The following NIPAL2 variants were observed in gnomAD, a reference collection of about 807,000 sequenced individuals.
NIPAL2 encodes NIPA like domain containing 2, also known as NIPA-like protein 2.
NIPAL2 carries 43 observed loss-of-function variants against 48.9 expected under a neutral mutation model. The observed-to-expected ratio is 0.88, with a 90% CI of 0.69 to 1.13. The LOEUF (loss-of-function observed/expected upper bound fraction) is 1.13. NIPAL2 is among the 50% of genes most tolerant of loss of function. The probability of loss-of-function intolerance (pLI) is 0.00; values close to 1 mark genes in which losing one functional copy is unlikely to be tolerated. For synonymous variants in NIPAL2, 167 were observed against 174.6 expected (o/e 0.96, Z 0.34); for missense variants, 446 against 461.4 (o/e 0.97, Z 0.31).
intron 1 of NIPAL2, among the ~76,000 whole-genome samples, chr8:98,273,820 C>T (rs1815290399): frequency 6.6e-6 from 1 of 152,000 alleles, no homozygotes; most frequent in African/African-American, 2.4e-5. Context: ...TATGAAAGTA[C>T]CACTATACAT....
chr8:98,216,345 G>A (rs758927491), intron 5 of NIPAL2, among the ~76,000 whole-genome samples: 5 of 152,204 alleles, frequency 3.3e-5, no homozygotes, highest in Admixed American at 2.0e-4. Context: ...GATAACAGTG[G>A]CCCATGTATA....
intron 5 of NIPAL2, chr8:98,217,146 T>C: frequency 1.0e-6 from 1 of 985,490 alleles, no homozygotes; most frequent in Non-Finnish European, 1.2e-6. Flanking sequence ...GTGCACTTTA[T>C]TCTTCTCTGG....
chr8:98,238,903 G>A lies in NIPAL2; in HGVS notation c.377-2689C>T, dbSNP rs183010021. On this transcript the variant is annotated intron_variant, in intron 3 of 10. Transcript: ENST00000430223. The stretch of plus-strand genomic sequence containing the variant: ...TCAGATTTGGGCCAAAATAATCCAG[G>A]GAAACTAATTTCCCATGGTAGAGCA... Among the ~76,000 whole-genome samples the A allele has an allele frequency of 1.7e-4, 26 of 152,060 alleles. No homozygotes were observed. In the East Asian group the frequency reaches 4.8e-3, roughly 28 times the overall value.
Position 98,265,881 on chromosome 8 carries a change from C to T in NIPAL2, c.136-11794G>A, listed in dbSNP as rs562331513. 5.9e-3 allele frequency among the ~76,000 whole-genome samples: 887 copies of T among 151,552 alleles called. 11 individuals are homozygous for T. Among genetic ancestry groups the T allele is most frequent in the African/African-American group, 0.02 (824 of 41,106 alleles). On this transcript the variant is annotated intron_variant, in intron 1 of 10. Coordinates refer to ENST00000430223, the MANE Select transcript of NIPAL2 (RefSeq NM_001321635.2). ...ACGATAGCAAAGACTTGGAATCAAC[C>T]CAAATGTCCAACAATGATAGACTGG...
At chr8:98,292,735 T>C (rs1816557509) in intron 1 of NIPAL2, among the ~76,000 whole-genome samples, 1 of 151,918 alleles carries the variant, frequency 6.6e-6, no homozygotes. Flanking sequence ...TATTTTTTTT[T>C]TTTTTTTAAT....
chr8:98,284,071 C>G (rs1347827140), intron 1 of NIPAL2, among the ~76,000 whole-genome samples: 1 of 152,154 alleles, frequency 6.6e-6, no homozygotes, highest in African/African-American at 2.4e-5. Context: ...TCCCCAAGCC[C>G]ACTATTCCTG....
intron 8 of NIPAL2, among the ~76,000 whole-genome samples, chr8:98,197,715 C>T (rs1430566526): frequency 6.6e-6 from 1 of 152,148 alleles, no homozygotes; most frequent in Non-Finnish European, 1.5e-5. Flanking sequence ...TTTAAGAAAC[C>T]ACTTTGTTTG....
intron 1 of NIPAL2, among the ~76,000 whole-genome samples, chr8:98,261,728 C>A (rs1290936089): frequency 6.7e-6 from 1 of 149,202 alleles, no homozygotes; most frequent in African/African-American, 2.5e-5. Flanking sequence ...AGGAGAACTT[C>A]CCCAACCTAG....
At chr8:98,279,920 G>A (rs1036863659) in intron 1 of NIPAL2, among the ~76,000 whole-genome samples, 4 of 152,172 alleles carry the variant, frequency 2.6e-5, no homozygotes, top group Non-Finnish European at 5.9e-5. Flanking sequence ...TGGCAAATAC[G>A]TGGTGGCAGC....
chr8:98,230,643 G>A (rs74317140), intron 4 of NIPAL2, among the ~76,000 whole-genome samples: 316 of 152,286 alleles, frequency 2.1e-3, no homozygotes, highest in African/African-American at 7.0e-3. Context: ...CCAGCTGTGA[G>A]CATGCCTTTG....
chr8:98,273,587 T>G (rs1815269312), intron 1 of NIPAL2, among the ~76,000 whole-genome samples: 1 of 152,138 alleles, frequency 6.6e-6, no homozygotes, highest in Non-Finnish European at 1.5e-5. Context: ...TAGATAGAGA[T>G]ATTTGTCCAA....
chr8:98,195,287 C>T (rs559062237), intron 9 of NIPAL2, among the ~76,000 whole-genome samples: 1 of 152,066 alleles, frequency 6.6e-6, no homozygotes, highest in Non-Finnish European at 1.5e-5. Flanking sequence ...CTTCCTACAC[C>T]GAAAATAGCC....
chr8:98,250,685 T>C (rs1813541453), intron 3 of NIPAL2, among the ~76,000 whole-genome samples: 1 of 152,148 alleles, frequency 6.6e-6, no homozygotes, highest in Admixed American at 6.5e-5. Flanking sequence ...AAATAATCTG[T>C]AGCATGAAGA....
chr8:98,206,326 A>ATATATGTATG (rs778830626), intron 6 of NIPAL2, among the ~76,000 whole-genome samples: 1 of 151,194 alleles, frequency 6.6e-6, no homozygotes, highest in African/African-American at 2.4e-5. Flanking sequence ...GTATATATAT[A>ATATATGTATG]TATGTATGTA....
chr8:98,257,724 T>C lies in NIPAL2; in HGVS notation c.136-3637A>G, dbSNP rs146291715. Among the ~76,000 whole-genome samples the C allele has an allele frequency of 1.7e-3, 259 of 152,254 alleles. 1 individual carries two copies. The highest frequency in any genetic ancestry group is 5.9e-3 in the African/African-American group (247 of 41,558). ...GTCTGATGAGAGCTCTGAAGCCTGC[T>C]ACCCAGAGGCTTCATCTGCATAATA... On this transcript the variant is annotated intron_variant, in intron 1 of 10. Coordinates refer to ENST00000430223, the MANE Select transcript of NIPAL2 (RefSeq NM_001321635.2).
chr8:98,265,057 C>T (rs1348490321), intron 1 of NIPAL2, among the ~76,000 whole-genome samples: 4 of 137,326 alleles, frequency 2.9e-5, no homozygotes, highest in Non-Finnish European at 6.2e-5. Flanking sequence ...ATAAATGGTG[C>T]TGGGAAAACT....
intron 1 of NIPAL2, among the ~76,000 whole-genome samples, chr8:98,262,614 C>A (rs1814424971): frequency 6.7e-6 from 1 of 150,252 alleles, no homozygotes; most frequent in Non-Finnish European, 1.5e-5. Flanking sequence ...TACAGGAGCA[C>A]CCAGATTCAT....
intron 1 of NIPAL2, among the ~76,000 whole-genome samples, chr8:98,256,289 C>T (rs914057346): frequency 1.3e-5 from 2 of 152,132 alleles, no homozygotes; most frequent in African/African-American, 2.4e-5. Context: ...TCCCAAAGTG[C>T]TGGGATTACA....
At chr8:98,272,297 G>A (rs751124720) in intron 1 of NIPAL2, among the ~76,000 whole-genome samples, 5 of 152,038 alleles carry the variant, frequency 3.3e-5, no homozygotes, top group Non-Finnish European at 5.9e-5. Flanking sequence ...CATCAAGAGC[G>A]GAGGTTTTGT....
Sources: gnomAD v4.1 joint callset for allele counts (sites outside exome capture counted in the v4.1 genomes callset) on GRCh38, gnomAD v4.1.1 for gene constraint, MANE v1.5 for transcripts, NCBI Gene and HGNC (gene_info 2026-07-23, HGNC 2026-07-21) for gene names.